The following LHFPL3 variants were observed in gnomAD, a reference collection of about 807,000 sequenced individuals.
The protein encoded by LHFPL3 is LHFPL tetraspan subfamily member 3 protein.
In LHFPL3, 5 loss-of-function variants were observed where a neutral mutation model predicts 19.3. That is an observed-to-expected ratio of 0.26 (90% CI 0.14 to 0.54). The LOEUF (loss-of-function observed/expected upper bound fraction) is 0.54, where lower values mean the gene tolerates loss of function less well. Among genes scored for constraint, LHFPL3 ranks in the 20% least tolerant of loss-of-function variants. The probability of loss-of-function intolerance (pLI) is 0.94; values close to 1 mark genes in which losing one functional copy is unlikely to be tolerated. For missense variants in LHFPL3, 249 were observed against 307.4 expected, an observed-to-expected ratio of 0.81 and a Z score of 1.42; for synonymous variants, 133 against 126.2, an observed-to-expected ratio of 1.05 and a Z score of -0.36.
At chr7:104,521,924 C>T (rs28885420) in intron 1 of LHFPL3, among the ~76,000 whole-genome samples, 2,715 of 151,800 alleles carry the variant, frequency 0.018, 68 homozygotes, top group African/African-American at 0.053. Flanking sequence ...TAGGAACACT[C>T]TTACACTGTT....
intron 1 of LHFPL3, among the ~76,000 whole-genome samples, chr7:104,420,731 T>C (rs1791716250): frequency 6.6e-6 from 1 of 152,116 alleles, no homozygotes; most frequent in East Asian, 1.9e-4. Flanking sequence ...GGCTAATTTT[T>C]GTATTTTTTT....
chr7:104,568,923 A>G (rs890294476), intron 1 of LHFPL3, among the ~76,000 whole-genome samples: 4 of 152,238 alleles, frequency 2.6e-5, no homozygotes, highest in Admixed American at 2.0e-4. Context: ...GCTAAATATT[A>G]AAGCATGTAT....
intron 2 of LHFPL3, among the ~76,000 whole-genome samples, chr7:104,763,192 G>C (rs551271641): frequency 6.6e-6 from 1 of 152,152 alleles, no homozygotes; most frequent in African/African-American, 2.4e-5. Flanking sequence ...CACAAAAATC[G>C]TGGAAAGAGG....
intron 1 of LHFPL3, among the ~76,000 whole-genome samples, chr7:104,720,177 T>A (rs1047723849): frequency 1.3e-5 from 2 of 152,170 alleles, no homozygotes; most frequent in African/African-American, 4.8e-5. Flanking sequence ...AGCATGGTAC[T>A]GGTACCAAAA....
At chr7:104,857,239 C>T (rs547210987) in intron 2 of LHFPL3, among the ~76,000 whole-genome samples, 8 of 126,444 alleles carry the variant, frequency 6.3e-5, no homozygotes, top group South Asian at 2.9e-4. Flanking sequence ...ACCGCTACCA[C>T]GGCAGTTTTC....
chr7:104,722,103 A>G (rs903436987), intron 1 of LHFPL3, among the ~76,000 whole-genome samples: 1 of 152,148 alleles, frequency 6.6e-6, no homozygotes, highest in African/African-American at 2.4e-5. Flanking sequence ...TATTTTTCTG[A>G]AACATATTTC....
At chr7:104,737,681 C>G (rs1793855091) in intron 2 of LHFPL3, among the ~76,000 whole-genome samples, 1 of 152,048 alleles carries the variant, frequency 6.6e-6, no homozygotes, top group South Asian at 2.1e-4. Flanking sequence ...ATTTTGGTGT[C>G]TCTGTTTTTT....
intron 1 of LHFPL3, among the ~76,000 whole-genome samples, chr7:104,424,658 G>A (rs1791802287): frequency 6.6e-6 from 1 of 152,166 alleles, no homozygotes; most frequent in African/African-American, 2.4e-5. Flanking sequence ...GGATGCTGCT[G>A]ACTGCCTGCA....
intron 1 of LHFPL3, among the ~76,000 whole-genome samples, chr7:104,478,973 G>A (rs1562910305): frequency 6.6e-6 from 1 of 152,160 alleles, no homozygotes; most frequent in Non-Finnish European, 1.5e-5. Context: ...GAAACCACAT[G>A]TTGAGCTGTA....
At chr7:104,663,420 A>G (rs904527001) in intron 1 of LHFPL3, among the ~76,000 whole-genome samples, 1 of 152,230 alleles carries the variant, frequency 6.6e-6, no homozygotes, top group Admixed American at 6.5e-5. Flanking sequence ...TCAGCTAAAG[A>G]TCATGCAGCG....
intron 2 of LHFPL3, among the ~76,000 whole-genome samples, chr7:104,781,347 A>G (rs1255916423): frequency 6.6e-6 from 1 of 152,078 alleles, no homozygotes; most frequent in Non-Finnish European, 1.5e-5. Flanking sequence ...ACACATTTAC[A>G]TATTTATCTT....
At chr7:104,370,339 G>C (rs1423719651) in intron 1 of LHFPL3, among the ~76,000 whole-genome samples, 1 of 152,156 alleles carries the variant, frequency 6.6e-6, no homozygotes, top group African/African-American at 2.4e-5. Context: ...AGAGGTTGGG[G>C]AGACTGATGG....
intron 1 of LHFPL3, among the ~76,000 whole-genome samples, chr7:104,672,615 A>T (rs555318863): frequency 6.6e-6 from 1 of 152,298 alleles, no homozygotes; most frequent in South Asian, 2.1e-4. Context: ...TATGCCCAAC[A>T]CTTAGCGGGG....
intron 1 of LHFPL3, among the ~76,000 whole-genome samples, chr7:104,664,914 C>T (rs1373302598): frequency 2.7e-5 from 4 of 147,208 alleles, no homozygotes; most frequent in Admixed American, 6.9e-5. Flanking sequence ...AACTCTACAT[C>T]ATGGAAAAGA....
At chr7:104,886,426 G>A (rs1584598362) in intron 2 of LHFPL3, among the ~76,000 whole-genome samples, 3 of 152,086 alleles carry the variant, frequency 2.0e-5, no homozygotes, top group East Asian at 1.9e-4. Context: ...GTGCAGTGGT[G>A]CGATCTCAGT....
chr7:104,787,143 A>G (rs1313008473), intron 2 of LHFPL3, among the ~76,000 whole-genome samples: 1 of 152,206 alleles, frequency 6.6e-6, no homozygotes, highest in East Asian at 1.9e-4. Flanking sequence ...TCTCAGAAAA[A>G]TTCAGCATCA....
chr7:104,622,382 G>A (rs937537275), intron 1 of LHFPL3, among the ~76,000 whole-genome samples: 2 of 151,922 alleles, frequency 1.3e-5, no homozygotes, highest in African/African-American at 4.8e-5. Context: ...TAGAATGTTG[G>A]GATTACAGAT....
At chr7:104,655,887 T>C (rs2115961375) in intron 1 of LHFPL3, among the ~76,000 whole-genome samples, 2 of 152,356 alleles carry the variant, frequency 1.3e-5, no homozygotes, top group South Asian at 4.1e-4. Flanking sequence ...AGTTATTATG[T>C]TTTTGTTGCC....
intron 1 of LHFPL3, among the ~76,000 whole-genome samples, chr7:104,576,129 A>T (rs904027804): frequency 6.6e-6 from 1 of 152,158 alleles, no homozygotes; most frequent in Admixed American, 6.5e-5. Context: ...GAAAATTCAC[A>T]TTTGAGGAGC....
Sources: allele counts gnomAD v4.1 joint callset (sites outside exome capture counted in the v4.1 genomes callset), GRCh38; gene constraint gnomAD v4.1.1; transcripts MANE v1.5; gene names NCBI Gene and HGNC (gene_info 2026-07-23, HGNC 2026-07-21).